The following LPGAT1 variants were observed in gnomAD, a reference collection of about 807,000 sequenced individuals.
LPGAT1 encodes lysophosphatidylglycerol acyltransferase 1.
LPGAT1 carries 11 observed loss-of-function variants against 47.5 expected under a neutral mutation model. The observed-to-expected ratio is 0.23, with a 90% CI of 0.15 to 0.38. LPGAT1 has a LOEUF of 0.38. LPGAT1 is among the 10% of genes least tolerant of loss of function. The pLI, the probability that LPGAT1 is intolerant of heterozygous loss-of-function variation, is 1.00. For synonymous variants in LPGAT1, 138 were observed against 144.2 expected (o/e 0.96, Z 0.31); for missense variants, 293 against 439.0 (o/e 0.67, Z 2.97).
At chr1:211,808,083 C>G (rs564450589) in intron 2 of LPGAT1, among the ~76,000 whole-genome samples, 1 of 152,130 alleles carries the variant, frequency 6.6e-6, no homozygotes. Context: ...AGAAAACTCA[C>G]GCCTGTAATC....
intron 4 of LPGAT1, among the ~76,000 whole-genome samples, chr1:211,784,371 G>C (rs12119787): frequency 0.083 from 12,605 of 151,784 alleles, 654 homozygotes; most frequent in Admixed American, 0.15. Context: ...ACATTTAGTG[G>C]TCCCAGCTAC....
At chr1:211,771,974 T>C (rs776944249) in intron 6 of LPGAT1, among the ~76,000 whole-genome samples, 1 of 152,206 alleles carries the variant, frequency 6.6e-6, no homozygotes, top group Non-Finnish European at 1.5e-5. Context: ...TTTCACTATG[T>C]TGCCCAGGCT....
chr1:211,807,927 T>C (rs896580648), intron 2 of LPGAT1, among the ~76,000 whole-genome samples: 3 of 152,150 alleles, frequency 2.0e-5, no homozygotes, highest in Admixed American at 1.3e-4. Context: ...GCTTGGGGGC[T>C]GCCCAATTTT....
chr1:211,770,246 T>C (rs1335939687), intron 6 of LPGAT1, among the ~76,000 whole-genome samples: 1 of 152,216 alleles, frequency 6.6e-6, no homozygotes, highest in Non-Finnish European at 1.5e-5. Context: ...ATGTCATAGA[T>C]AATTTAAAAT....
rs575579545 is a variant in LPGAT1 at position 211,784,503 on chromosome 1, A to G, written c.454-1001T>C. ...GAGACCCTGTCTCAAAAAAAAAAAA[A>G]AAAAGAAAAAAGAAAGAAAATCTGC... On this transcript the variant is annotated intron_variant, in intron 4 of 7. Coordinates refer to ENST00000366997, the MANE Select transcript of LPGAT1 (RefSeq NM_014873.3). Among the ~76,000 whole-genome samples, 7 of 151,582 alleles carry G rather than the reference A, an allele frequency of 4.6e-5. No individual in the cohort carries two copies. The East Asian group carries it at 1.2e-3, about 25-fold the overall frequency.
chr1:211,789,475 T>A (rs1659017831), intron 3 of LPGAT1, among the ~76,000 whole-genome samples: 1 of 152,204 alleles, frequency 6.6e-6, no homozygotes, highest in Admixed American at 6.5e-5. Flanking sequence ...GGAAATGTTA[T>A]AAGTCAATAA....
chr1:211,786,061 T>G (rs1658866641), intron 4 of LPGAT1, among the ~76,000 whole-genome samples: 1 of 152,262 alleles, frequency 6.6e-6, no homozygotes. Flanking sequence ...TTCCGCTGCC[T>G]TCTCTGAGCT....
Position 211,830,253 on chromosome 1 carries a change from A to G in LPGAT1, c.-28+320T>C. Reference sequence around the variant, plus strand: ...TGTCCCCCGCCGAGGGGTCGCGGTCATGGACGCGGTGGCGGCCCAAGCGGC... The same window carrying G: ...TGTCCCCCGCCGAGGGGTCGCGGTCGTGGACGCGGTGGCGGCCCAAGCGGC... On this transcript the variant is annotated intron_variant, in intron 1 of 7. Transcript: ENST00000366997. This position sits in a 1 kb window ranked among gnomAD's most constrained non-coding sequence, Gnocchi z 5.9. 1 of 994,512 alleles carries G rather than the reference A, an allele frequency of 1.0e-6. No individual in the cohort carries two copies. Among genetic ancestry groups the G allele is most frequent in the South Asian group, 4.7e-5 (1 of 21,438 alleles). 61.6% of individuals were successfully genotyped at this position (994,512 alleles called of 1,614,324 possible). A position where few individuals can be genotyped will look rare whatever the true frequency, so the allele number is the denominator to read the frequency against.
intron 2 of LPGAT1, among the ~76,000 whole-genome samples, chr1:211,796,396 G>T (rs543842893): frequency 6.6e-6 from 1 of 152,266 alleles, no homozygotes; most frequent in South Asian, 2.1e-4. Flanking sequence ...AGACCACCAC[G>T]TGATGACAGA....
chr1:211,821,211 G>A (rs1170174995), intron 2 of LPGAT1, among the ~76,000 whole-genome samples: 6 of 152,052 alleles, frequency 3.9e-5, no homozygotes, highest in African/African-American at 1.2e-4. Flanking sequence ...AGCTGAGAAC[G>A]CACCACTGCA....
intron 6 of LPGAT1, among the ~76,000 whole-genome samples, chr1:211,752,196 T>C (rs1023670540): frequency 3.9e-5 from 6 of 152,216 alleles, no homozygotes; most frequent in African/African-American, 1.4e-4. Context: ...CATTTTTCAT[T>C]TGCTTAATTT....
intron 2 of LPGAT1, among the ~76,000 whole-genome samples, chr1:211,808,042 AT>A (rs200745964): frequency 0.022 from 3,360 of 151,296 alleles, 72 homozygotes; most frequent in Non-Finnish European, 0.03. Flanking sequence ...GCAATCACAT[AT>A]CCAACAAAGG....
chr1:211,798,782 A>G (rs1328177478), intron 2 of LPGAT1, among the ~76,000 whole-genome samples: 3 of 152,246 alleles, frequency 2.0e-5, no homozygotes, highest in Non-Finnish European at 4.4e-5. Flanking sequence ...TGTGGCTTTC[A>G]GCAGTCCAGG....
At chr1:211,810,783 G>T (rs1659960167) in intron 2 of LPGAT1, among the ~76,000 whole-genome samples, 1 of 152,182 alleles carries the variant, frequency 6.6e-6, no homozygotes, top group Non-Finnish European at 1.5e-5. Context: ...AAGACAGCGA[G>T]AACATGCCCG....
At chr1:211,797,010 C>G (rs140444836) in intron 2 of LPGAT1, among the ~76,000 whole-genome samples, 4 of 152,080 alleles carry the variant, frequency 2.6e-5, no homozygotes, top group Admixed American at 2.0e-4. Context: ...AATCCCAGCA[C>G]TTTGGGAGGC....
intron 6 of LPGAT1, among the ~76,000 whole-genome samples, chr1:211,775,694 C>T (rs1252432357): frequency 6.6e-6 from 1 of 151,968 alleles, no homozygotes; most frequent in Non-Finnish European, 1.5e-5. Flanking sequence ...TTTGGGAGGC[C>T]GAAGTGGGTG....
At chr1:211,757,457 A>G (rs6669803) in intron 6 of LPGAT1, among the ~76,000 whole-genome samples, 148,567 of 152,322 alleles carry the variant, frequency 0.98, 72,467 homozygotes, top group East Asian at 1. Context: ...TTGGCATATG[A>G]TAAACACTCA....
intron 6 of LPGAT1, among the ~76,000 whole-genome samples, chr1:211,763,076 G>A (rs1055234294): frequency 6.8e-4 from 104 of 152,320 alleles, no homozygotes; most frequent in African/African-American, 2.4e-3. Flanking sequence ...GAGTTTAAAT[G>A]AGGGAATGTG....
In LPGAT1 at chr1:211,743,973, CCA is replaced by C. The variant is rs1656846356; in HGVS notation, c.*5924_*5925del. On this transcript the variant is annotated 3_prime_UTR_variant, in exon 8 of 8. Transcript: ENST00000366997. ...TGCTAACATCTTAGAGATGCCTATA[CCA>C]CAGTTTACTTAGCTTTGAGAAATGA... 2 of 152,220 alleles carry C rather than the reference CCA, an allele frequency of 1.3e-5. No homozygotes were observed. The highest frequency in any genetic ancestry group is 2.4e-5 in the African/African-American group (1 of 41,508). The allele number at this position is 152,220 out of a possible 1,614,324, so 9.4% of individuals were successfully genotyped here.
Sources: allele counts gnomAD v4.1 joint callset (sites outside exome capture counted in the v4.1 genomes callset), GRCh38; gene constraint gnomAD v4.1.1; non-coding constraint Gnocchi (gnomAD v3.1); transcripts MANE v1.5; gene names NCBI Gene and HGNC (gene_info 2026-07-23, HGNC 2026-07-21).